Variants in ATP6V0A4 observed in about 807,000 individuals in gnomAD.
ATP6V0A4 encodes ATPase H+ transporting V0 subunit a4.
ATP6V0A4 carries 86 observed loss-of-function variants against 107.3 expected under a neutral mutation model. The observed-to-expected ratio is 0.80, with a 90% CI of 0.67 to 0.96. The LOEUF (loss-of-function observed/expected upper bound fraction) is 0.96, where lower values mean the gene tolerates loss of function less well. Ranked by LOEUF, ATP6V0A4 falls within the 40% of genes least tolerant of loss-of-function variation. ATP6V0A4 has a pLI of 0.00. For synonymous variants in ATP6V0A4, 353 were observed against 381.4 expected (o/e 0.93, Z 0.87); for missense variants, 908 against 1,045.6 (o/e 0.87, Z 1.81).
chr7:138,798,177 T>TGCATAAC lies in ATP6V0A4; in HGVS notation c.-265_-264insGTTATGC. 6.3e-7 allele frequency: 1 copy of TGCATAAC among 1,594,690 alleles called. No individual in the cohort carries two copies. The highest frequency in any genetic ancestry group is 8.5e-7 in the Non-Finnish European group (1 of 1,171,184). ...GGCCTTTGCCTCCCTCCACTCGGCT[T>TGCATAAC]GCTCGGCAGGTAGCGTTATGAGCTT... On this transcript the variant is annotated 5_prime_UTR_variant, in exon 1 of 22. The change creates a new upstream start codon in the 5' untranslated region. Coordinates refer to ENST00000310018, the MANE Select transcript of ATP6V0A4 (RefSeq NM_020632.3).
intron 10 of ATP6V0A4, among the ~76,000 whole-genome samples, chr7:138,753,607 A>G (rs1474334803): frequency 2.0e-5 from 3 of 152,226 alleles, no homozygotes; most frequent in Non-Finnish European, 4.4e-5. Flanking sequence ...AATTTATTTA[A>G]TGGAATCATT....
chr7:138,731,900 A>G (rs1272612763), intron 17 of ATP6V0A4, among the ~76,000 whole-genome samples: 1 of 143,086 alleles, frequency 7.0e-6, no homozygotes, highest in Non-Finnish European at 1.5e-5. Flanking sequence ...CTCCAAAAAT[A>G]AAAATAAATA....
chr7:138,777,104 G>C (rs901676833), intron 2 of ATP6V0A4, among the ~76,000 whole-genome samples: 1 of 150,938 alleles, frequency 6.6e-6, no homozygotes, highest in Non-Finnish European at 1.5e-5. Context: ...AGCCGAGATC[G>C]CACCACAGCA....
intron 10 of ATP6V0A4, among the ~76,000 whole-genome samples, chr7:138,753,429 A>G (rs938318900): frequency 3.3e-5 from 5 of 152,184 alleles, no homozygotes; most frequent in Non-Finnish European, 7.3e-5. Context: ...GGCCTCCAGA[A>G]CCATGACAGA....
chr7:138,752,981 C>G, intron 10 of ATP6V0A4, 144 bp from the exon 11 acceptor site: 1 of 1,456,518 alleles, frequency 6.9e-7, no homozygotes, highest in African/African-American at 1.4e-5. Flanking sequence ...TGGCCTTGAA[C>G]TCTCCTGAGC....
intron 15 of ATP6V0A4, among the ~76,000 whole-genome samples, chr7:138,736,504 A>C (rs6467796): frequency 6.6e-6 from 1 of 152,048 alleles, no homozygotes; most frequent in East Asian, 1.9e-4. Flanking sequence ...CTGTTCTGGC[A>C]GTTTTACATG....
chr7:138,728,970 G>A, intron 17 of ATP6V0A4, 108 bp from the exon 18 acceptor site: 3 of 1,589,222 alleles, frequency 1.9e-6, no homozygotes, highest in Non-Finnish European at 2.6e-6. Context: ...TTTATTTTGA[G>A]AGATCTAAAG....
chr7:138,739,739 G>C (rs1304730044), intron 14 of ATP6V0A4, 106 bp from the exon 15 acceptor site: 2 of 1,541,374 alleles, frequency 1.3e-6, no homozygotes, highest in African/African-American at 2.7e-5. Context: ...AACTACTGGT[G>C]CAATTCATCA....
intron 14 of ATP6V0A4, among the ~76,000 whole-genome samples, chr7:138,742,515 A>ATGTG (rs961418367): frequency 1.1e-4 from 16 of 152,106 alleles, no homozygotes; most frequent in Admixed American, 4.6e-4. Flanking sequence ...GTAAGAATGA[A>ATGTG]TGTGTTTGTT....
chr7:138,730,386 G>GTGTGTGTA (rs1194328965), intron 17 of ATP6V0A4, among the ~76,000 whole-genome samples: 1 of 149,478 alleles, frequency 6.7e-6, no homozygotes, highest in African/African-American at 2.5e-5. Flanking sequence ...GTGTGTGTGT[G>GTGTGTGTA]GCTATCCTTT....
intron 13 of ATP6V0A4, 100 bp from the exon 14 acceptor site, chr7:138,745,380 CA>C (rs1805862908): frequency 1.9e-6 from 3 of 1,559,108 alleles, no homozygotes; most frequent in Non-Finnish European, 1.8e-6. Context: ...CCGGTGCAGG[CA>C]CCCTTGGGGG....
At chr7:138,745,956 A>ATATAT (rs368085887) in intron 13 of ATP6V0A4, among the ~76,000 whole-genome samples, 33 of 34,680 alleles carry the variant, frequency 9.5e-4, no homozygotes, top group East Asian at 3.5e-3. Flanking sequence ...AAAAAAAAAA[A>ATATAT]AAAAAAATAT....
chr7:138,719,284 G>A lies in ATP6V0A4; in HGVS notation c.2139+2613C>T, dbSNP rs138479725. On this transcript the variant is annotated intron_variant, in intron 19 of 21. Coordinates refer to ENST00000310018, the MANE Select transcript of ATP6V0A4 (RefSeq NM_020632.3). ...CCTCTAAACCACTGGCATTTCCCAC[G>A]TGAAAGGGTCTTTGTTATTCATGCT... is the stretch of plus-strand genomic sequence containing the variant. Among the ~76,000 whole-genome samples the A allele has an allele frequency of 3.9e-5, 6 of 152,270 alleles. No homozygotes were observed. In the East Asian group the frequency reaches 1.2e-3, roughly 29 times the overall value.
At chr7:138,714,340 G>T (rs1246378860) in intron 20 of ATP6V0A4, among the ~76,000 whole-genome samples, 1 of 151,930 alleles carries the variant, frequency 6.6e-6, no homozygotes, top group African/African-American at 2.4e-5. Context: ...ACTGGAGAAG[G>T]ACCCAGAGAT....
At chr7:138,721,745 T>G in intron 19 of ATP6V0A4, 152 bp downstream of exon 19, 1 of 818,224 alleles carries the variant, frequency 1.2e-6, no homozygotes. Context: ...GTAGGTCCCC[T>G]TCCCTGAGAC....
At position 138,749,322 on chromosome 7, in the gene ATP6V0A4, A is replaced by C; in HGVS notation, c.1030-5T>G. On this transcript the variant is annotated splice_polypyrimidine_tract_variant and splice_region_variant and intron_variant, in intron 11 of 21. Transcript: ENST00000310018. ...CATGGAGGAGCCACTTAGTTCCTGG[A>C]AAAAAAAAAAAAAGCGACAAAGATG... The C allele has an allele frequency of 7.3e-6, 1 of 137,232 alleles. No homozygotes were observed. Among genetic ancestry groups the C allele is most frequent in the Non-Finnish European group, 1.2e-5 (1 of 81,892 alleles). The allele number at this position is 137,232 out of a possible 1,614,324, so 8.5% of individuals were successfully genotyped here.
At chr7:138,761,365 T>A (rs1806807113) in intron 7 of ATP6V0A4, among the ~76,000 whole-genome samples, 1 of 151,530 alleles carries the variant, frequency 6.6e-6, no homozygotes, top group Non-Finnish European at 1.5e-5. Context: ...CCAGGTGCGG[T>A]GGATCACACC....
chr7:138,709,590 C>T (rs1803628997), intron 21 of ATP6V0A4, 34 bp downstream of exon 21: 2 of 1,604,384 alleles, frequency 1.2e-6, no homozygotes, highest in Admixed American at 1.7e-5. Flanking sequence ...TTTCCCAACA[C>T]CACATTGAGC....
At position 138,747,614 on chromosome 7, in the gene ATP6V0A4, C is replaced by T. The variant is rs183958705; in HGVS notation, c.1181-50G>A. 31 of 1,603,450 alleles carry T rather than the reference C, an allele frequency of 1.9e-5. No homozygotes were observed. In the East Asian group the frequency reaches 3.6e-4, roughly 19 times the overall value. On this transcript the variant is annotated intron_variant, in intron 12 of 21. Transcript: ENST00000310018. ...CTGAGGCCTCAGCACAGCCTCGGGG[C>T]CCCCACCTCAGATTCCCTGCCACAG...
Sources: gnomAD v4.1 joint callset for allele counts (sites outside exome capture counted in the v4.1 genomes callset) on GRCh38, gnomAD v4.1.1 for gene constraint, MANE v1.5 for transcripts, NCBI Gene and HGNC (gene_info 2026-07-23, HGNC 2026-07-21) for gene names.